The following SNX8 variants were observed in gnomAD, a reference collection of about 807,000 sequenced individuals.
SNX8 encodes sorting nexin 8.
In SNX8, 25 loss-of-function variants were observed where a neutral mutation model predicts 51.6. The observed-to-expected ratio is 0.48, with a 90% CI of 0.35 to 0.68. The LOEUF (loss-of-function observed/expected upper bound fraction) is 0.68. Among genes scored for constraint, SNX8 ranks in the 30% least tolerant of loss-of-function variants. The probability of loss-of-function intolerance (pLI) is 0.00; values close to 1 mark genes in which losing one functional copy is unlikely to be tolerated. For synonymous variants in SNX8, 324 were observed against 277.0 expected, an observed-to-expected ratio of 1.17 and a Z score of -1.68; for missense variants, 695 against 624.0, an observed-to-expected ratio of 1.11 and a Z score of -1.21.
intron 1 of SNX8, among the ~76,000 whole-genome samples, chr7:2,326,473 G>A (rs536374845): frequency 6.6e-6 from 1 of 151,772 alleles, no homozygotes; most frequent in African/African-American, 2.4e-5. Context: ...AGACCATCCT[G>A]GCTAACGCGG....
chr7:2,311,153 C>G (rs925298991), intron 1 of SNX8, among the ~76,000 whole-genome samples: 1 of 152,156 alleles, frequency 6.6e-6, no homozygotes, highest in African/African-American at 2.4e-5. Flanking sequence ...AAAAGTACAA[C>G]AAGCACATTT....
At chr7:2,266,958 G>C (rs752567728) in intron 5 of SNX8, among the ~76,000 whole-genome samples, 1 of 152,248 alleles carries the variant, frequency 6.6e-6, no homozygotes, top group Admixed American at 6.5e-5. Flanking sequence ...AATCTGAAAA[G>C]GTGCTGACAC....
chr7:2,270,848 G>A (rs1189081553), intron 4 of SNX8, among the ~76,000 whole-genome samples: 3 of 152,126 alleles, frequency 2.0e-5, no homozygotes, highest in Non-Finnish European at 2.9e-5. Flanking sequence ...GACAGAGGCC[G>A]TCAGGTCCCC....
chr7:2,312,825 C>T (rs977532768), intron 1 of SNX8, among the ~76,000 whole-genome samples: 1 of 152,070 alleles, frequency 6.6e-6, no homozygotes, highest in South Asian at 2.1e-4. Flanking sequence ...GCAGCTAGGA[C>T]CACAGGAAGG....
chr7:2,257,947 G>A (rs866671087), intron 7 of SNX8, 144 bp from the exon 8 acceptor site: 22 of 718,752 alleles, frequency 3.1e-5, no homozygotes, highest in Middle Eastern at 3.2e-4. Context: ...AGGTCTGCAG[G>A]GGGCCCCCTT....
chr7:2,312,645 G>A (rs924403184), intron 1 of SNX8, among the ~76,000 whole-genome samples: 4 of 152,140 alleles, frequency 2.6e-5, no homozygotes, highest in Middle Eastern at 3.4e-3. Flanking sequence ...CCCCGCTGCC[G>A]TTTCTCGCCG....
At chr7:2,263,076 G>A (rs138300824) in intron 7 of SNX8, among the ~76,000 whole-genome samples, 154 bp downstream of exon 7, 13 of 152,368 alleles carry the variant, frequency 8.5e-5, no homozygotes, top group East Asian at 1.9e-4. Context: ...CCGAGATTGC[G>A]CCTTTGCGCT....
At chr7:2,323,366 A>C (rs1021060160) in intron 1 of SNX8, among the ~76,000 whole-genome samples, 3 of 152,064 alleles carry the variant, frequency 2.0e-5, no homozygotes, top group African/African-American at 7.2e-5. Flanking sequence ...AACAAACAAA[A>C]AAACTAATAA....
intron 1 of SNX8, among the ~76,000 whole-genome samples, chr7:2,352,692 C>G (rs780528451): frequency 3.3e-5 from 5 of 152,000 alleles, no homozygotes; most frequent in Admixed American, 6.6e-5. Context: ...AAAAATCAGC[C>G]AGGCGTGGTG....
At chr7:2,270,314 C>CCAAA (rs559183262) in intron 4 of SNX8, among the ~76,000 whole-genome samples, 2 of 57,088 alleles carry the variant, frequency 3.5e-5, no homozygotes, top group Non-Finnish European at 5.7e-5. Flanking sequence ...TCTCATTTTA[C>CCAAA]AAAAAAAAAA....
chr7:2,324,636 A>T (rs1019566492), intron 1 of SNX8, among the ~76,000 whole-genome samples: 3 of 152,124 alleles, frequency 2.0e-5, no homozygotes, highest in African/African-American at 7.2e-5. Context: ...GAATAAAAAA[A>T]ATTTAGGAAG....
At position 2,347,499 on chromosome 7, in the gene SNX8, A is replaced by AG. The variant is rs1368719883; in HGVS notation, c.-66+6722dup. ...CTGTCTCAAAAAAAAAAAAAAAAAAAGAAAAAAAAAAGAGCCTTTGGCTGA... is the reference window on the plus strand; with the variant it reads ...CTGTCTCAAAAAAAAAAAAAAAAAAAGGAAAAAAAAAAGAGCCTTTGGCTGA... On this transcript the variant is annotated intron_variant, in intron 1 of 5. Transcript: ENST00000435336. Among the ~76,000 whole-genome samples, 86 of 100,208 alleles carry AG rather than the reference A, an allele frequency of 8.6e-4. 1 individual carries two copies. The highest frequency in any genetic ancestry group is 1.3e-3 in the Non-Finnish European group (53 of 41,602). 65.7% of individuals were successfully genotyped at this position (100,208 alleles called of 152,430 possible). A position where few individuals can be genotyped will look rare whatever the true frequency, so the allele number is the denominator to read the frequency against.
chr7:2,271,394 G>T (rs1795641313), intron 4 of SNX8, among the ~76,000 whole-genome samples: 1 of 152,202 alleles, frequency 6.6e-6, no homozygotes, highest in Admixed American at 6.5e-5. Flanking sequence ...TGGGAGGAGG[G>T]AAGCCCCACT....
chr7:2,268,706 C>A (rs1270154618), intron 5 of SNX8, among the ~76,000 whole-genome samples: 1 of 27,670 alleles, frequency 3.6e-5, no homozygotes, highest in Admixed American at 2.6e-4. Flanking sequence ...CAGCCAGCCG[C>A]CCCGTCCGGG....
intron 1 of SNX8, among the ~76,000 whole-genome samples, chr7:2,282,768 G>A (rs62442531): frequency 0.16 from 24,048 of 152,020 alleles, 2,156 homozygotes; most frequent in Middle Eastern, 0.26. Context: ...CCTAAGGTCA[G>A]GAGTTTGAGG....
At chr7:2,351,558 C>A (rs184378681) in intron 1 of SNX8, among the ~76,000 whole-genome samples, 2 of 150,272 alleles carry the variant, frequency 1.3e-5, no homozygotes, top group African/African-American at 4.9e-5. Context: ...ATAGGCCAGG[C>A]GCAGTGGCTC....
Position 2,255,100 on chromosome 7 carries a change from T to A in SNX8, c.1354A>T (p.Thr452Ser). Residue 452 changes from threonine (T) to serine (S), a missense_variant, in exon 11 of 11, where the codon ACC becomes TCC. Physicochemically the swap from Thr to Ser is moderately conservative, Grantham distance 58. Transcript: ENST00000222990. ...TCCTCCGGCGGGGAGCACGGTGGGG[T>A]CAGGGTGCTGTGTGGTCCCGCAAAG... ...CLFAGPHSTL[T>S]PPCSPPEDGL... is the part of the protein sequence containing the mutation. 6.3e-7 allele frequency: 1 copy of A among 1,579,622 alleles called. No homozygotes were observed. Among genetic ancestry groups the A allele is most frequent in the South Asian group, 1.2e-5 (1 of 86,120 alleles).
chr7:2,304,362 G>A (rs1328649696), intron 1 of SNX8, among the ~76,000 whole-genome samples: 8 of 149,378 alleles, frequency 5.4e-5, no homozygotes, highest in South Asian at 2.1e-4. Flanking sequence ...GGCTAACAGG[G>A]TGAAACCCCA....
intron 7 of SNX8, among the ~76,000 whole-genome samples, chr7:2,259,936 C>G (rs1471174473): frequency 6.6e-6 from 1 of 151,642 alleles, no homozygotes; most frequent in Non-Finnish European, 1.5e-5. Flanking sequence ...GAAGAATTGT[C>G]TTGAGCCACA....
Sources: gnomAD v4.1 joint callset for allele counts (sites outside exome capture counted in the v4.1 genomes callset) on GRCh38, gnomAD v4.1.1 for gene constraint, MANE v1.5 for transcripts, NCBI Gene and HGNC (gene_info 2026-07-23, HGNC 2026-07-21) for gene names.